ENPP6: variants seen among roughly 807,000 people sequenced by gnomAD.
ENPP6 encodes ectonucleotide pyrophosphatase/phosphodiesterase 6.
ENPP6 carries 32 observed loss-of-function variants against 42.0 expected under a neutral mutation model. The observed-to-expected ratio is 0.76, with a 90% CI of 0.58 to 1.02. The LOEUF is 1.02. Among genes scored for constraint, ENPP6 ranks in the 50% least tolerant of loss-of-function variants. The pLI, the probability that ENPP6 is intolerant of heterozygous loss-of-function variation, is 0.00. For synonymous variants in ENPP6, 213 were observed against 216.0 expected (o/e 0.99, Z 0.12); for missense variants, 552 against 566.8 (o/e 0.97, Z 0.27).
chr4:184,168,550 A>G lies in ENPP6; in HGVS notation c.242-14817T>C, dbSNP rs150300653. 9.7e-3 allele frequency among the ~76,000 whole-genome samples: 1,472 copies of G among 152,364 alleles called. 10 individuals are homozygous for G. Among genetic ancestry groups the G allele is most frequent in the Non-Finnish European group, 0.014 (954 of 68,022 alleles). Reference sequence around the variant, plus strand: ...AGACACTGCCCGCGGGGCTCCGGACAGCAAGGAGCGAGCCCTCTGAGCCTG... The same window carrying G: ...AGACACTGCCCGCGGGGCTCCGGACGGCAAGGAGCGAGCCCTCTGAGCCTG... On this transcript the variant is annotated intron_variant, in intron 1 of 7. Coordinates refer to ENST00000296741, the MANE Select transcript of ENPP6 (RefSeq NM_153343.4).
chr4:184,181,868 A>G (rs1732561808), intron 1 of ENPP6, among the ~76,000 whole-genome samples: 1 of 152,248 alleles, frequency 6.6e-6, no homozygotes, highest in African/African-American at 2.4e-5. Flanking sequence ...CTCAAGATGG[A>G]TTAAAGACTT....
At chr4:184,208,891 GA>G (rs752147968) in intron 1 of ENPP6, among the ~76,000 whole-genome samples, 2 of 143,630 alleles carry the variant, frequency 1.4e-5, no homozygotes, top group Non-Finnish European at 1.6e-5. Context: ...GGAGATCTGA[GA>G]ACGGGCAGAC....
In ENPP6 at chr4:184,188,421, T is replaced by G. The variant is rs181889529; in HGVS notation, c.241+29158A>C. Among the ~76,000 whole-genome samples, 133 of 152,272 alleles carry G rather than the reference T, an allele frequency of 8.7e-4. 1 individual carries two copies. Among genetic ancestry groups the G allele is most frequent in the African/African-American group, 2.6e-3 (109 of 41,568 alleles). ...AGGTAATTTCTTCACCAACTGCCAT[T>G]TTCACCCCCATCCCCCCAAATTGAC... On this transcript the variant is annotated intron_variant, in intron 1 of 7. Transcript: ENST00000296741.
At chr4:184,118,791 T>C (rs1736367411) in intron 3 of ENPP6, among the ~76,000 whole-genome samples, 1 of 152,148 alleles carries the variant, frequency 6.6e-6, no homozygotes, top group Non-Finnish European at 1.5e-5. Flanking sequence ...CGAGTAGTCA[T>C]GCCTGCCCAC....
intron 1 of ENPP6, among the ~76,000 whole-genome samples, chr4:184,205,991 G>A (rs1440749312): frequency 1.3e-5 from 2 of 152,268 alleles, no homozygotes; most frequent in East Asian, 1.9e-4. Flanking sequence ...CAGGACGCCC[G>A]GGAGGACACT....
chr4:184,097,122 T>C (rs2111328829), intron 7 of ENPP6, 123 bp downstream of exon 7: 1 of 1,443,396 alleles, frequency 6.9e-7, no homozygotes, highest in African/African-American at 1.4e-5. Flanking sequence ...GGGTTTGCTC[T>C]GCTTGGCTCA....
At chr4:184,171,915 T>C (rs57902754) in intron 1 of ENPP6, among the ~76,000 whole-genome samples, 7,341 of 152,116 alleles carry the variant, frequency 0.048, 547 homozygotes, top group African/African-American at 0.16. Flanking sequence ...ATCATGAACA[T>C]GTAAGCTGAA....
chr4:184,170,655 T>C (rs191370585), intron 1 of ENPP6, among the ~76,000 whole-genome samples: 2 of 152,270 alleles, frequency 1.3e-5, no homozygotes, highest in Middle Eastern at 3.4e-3. Context: ...TTCCTTAGTC[T>C]CCTGTATTTC....
Position 184,212,928 on chromosome 4 carries a change from A to C in ENPP6, c.241+4651T>G, listed in dbSNP as rs553265111. 2.0e-5 allele frequency among the ~76,000 whole-genome samples: 3 copies of C among 152,240 alleles called. No homozygotes were observed. The East Asian group carries it at 5.8e-4, about 29-fold the overall frequency. On this transcript the variant is annotated intron_variant, in intron 1 of 7. Transcript: ENST00000296741. ...GGAACAAAACAGAGCCCTCAGAAATAACGCCGCATATCTACAACTATCTGA... is the reference window on the plus strand; with the variant it reads ...GGAACAAAACAGAGCCCTCAGAAATCACGCCGCATATCTACAACTATCTGA...
chr4:184,153,504 C>A, intron 2 of ENPP6, 50 bp downstream of exon 2: 1 of 1,554,912 alleles, frequency 6.4e-7, no homozygotes, highest in South Asian at 1.2e-5. Context: ...CGACTGTCCT[C>A]AGAGACTCTA....
chr4:184,131,236 T>TTCTC (rs1560987388), intron 2 of ENPP6, among the ~76,000 whole-genome samples: 10 of 18,196 alleles, frequency 5.5e-4, no homozygotes, highest in African/African-American at 1.1e-3. Flanking sequence ...CTTTCTTTCC[T>TTCTC]TTTCTTTCTT....
At chr4:184,181,829 C>A (rs1255424545) in intron 1 of ENPP6, among the ~76,000 whole-genome samples, 1 of 152,044 alleles carries the variant, frequency 6.6e-6, no homozygotes, top group Non-Finnish European at 1.5e-5. Flanking sequence ...AAAACTGGAC[C>A]CCTTCCTTAC....
intron 1 of ENPP6, among the ~76,000 whole-genome samples, chr4:184,190,039 C>A (rs1313403315): frequency 6.6e-6 from 1 of 152,206 alleles, no homozygotes; most frequent in African/African-American, 2.4e-5. Context: ...ATCATATTCT[C>A]TTGCTGACCA....
chr4:184,114,661 CA>C (rs1442955253), intron 5 of ENPP6, among the ~76,000 whole-genome samples: 6 of 151,982 alleles, frequency 3.9e-5, no homozygotes, highest in Non-Finnish European at 8.8e-5. Flanking sequence ...CTGACTTGAA[CA>C]GTACCTTGGA....
chr4:184,091,146 T>C lies in ENPP6; in HGVS notation c.*31A>G, dbSNP rs762483821. 5.3e-6 allele frequency: 8 copies of C among 1,498,176 alleles called. No individual in the cohort carries two copies. The South Asian group carries it at 9.7e-5, about 18-fold the overall frequency. 92.8% of individuals were successfully genotyped at this position (1,498,176 alleles called of 1,614,324 possible). On this transcript the variant is annotated 3_prime_UTR_variant, in exon 8 of 8. Coordinates refer to ENST00000296741, the MANE Select transcript of ENPP6 (RefSeq NM_153343.4). Reference sequence around the variant, plus strand: ...CTTTGGAGGCCCACTTTGCTGATGGTGTTTTTTTCTGAGACAAGCAATATG... The same window carrying C: ...CTTTGGAGGCCCACTTTGCTGATGGCGTTTTTTTCTGAGACAAGCAATATG...
At chr4:184,107,779 G>A (rs1736124442) in intron 6 of ENPP6, among the ~76,000 whole-genome samples, 1 of 152,076 alleles carries the variant, frequency 6.6e-6, no homozygotes, top group Admixed American at 6.5e-5. Context: ...GCCGGGCGTG[G>A]TGGCGGGCGC....
intron 1 of ENPP6, among the ~76,000 whole-genome samples, chr4:184,203,703 G>A (rs1233956274): frequency 6.6e-6 from 1 of 152,170 alleles, no homozygotes; most frequent in Non-Finnish European, 1.5e-5. Flanking sequence ...GAGAGAACAC[G>A]GCCCTGCCCG....
intron 2 of ENPP6, among the ~76,000 whole-genome samples, chr4:184,130,724 A>G (rs1579624900): frequency 6.2e-5 from 1 of 16,224 alleles, no homozygotes; most frequent in Non-Finnish European, 1.4e-4. Context: ...CCTAACTGAC[A>G]AGAGAGAGAG....
At chr4:184,099,107 ACAGT>A (rs1232410247) in intron 6 of ENPP6, among the ~76,000 whole-genome samples, 1 of 152,184 alleles carries the variant, frequency 6.6e-6, no homozygotes, top group Non-Finnish European at 1.5e-5. Context: ...AGGTTAAGTG[ACAGT>A]CAGAGTCACA....
Sources: gnomAD v4.1 joint callset for allele counts (sites outside exome capture counted in the v4.1 genomes callset) on GRCh38, gnomAD v4.1.1 for gene constraint, MANE v1.5 for transcripts, NCBI Gene and HGNC (gene_info 2026-07-23, HGNC 2026-07-21) for gene names.